DCC: variants seen among roughly 807,000 people sequenced by gnomAD.
DCC encodes the protein DCC netrin 1 receptor, also known as netrin receptor DCC.
A neutral mutation model predicts 172.5 loss-of-function variants in DCC; 58 were observed. The ratio of observed to expected loss-of-function variants is 0.34; its 90% CI spans 0.27 to 0.42. DCC has a LOEUF of 0.42. DCC is among the 10% of genes least tolerant of loss of function. The probability of loss-of-function intolerance (pLI) is 1.00; values close to 1 mark genes in which losing one functional copy is unlikely to be tolerated. For synonymous variants in DCC, 709 were observed against 644.5 expected, an observed-to-expected ratio of 1.10 and a Z score of -1.52; for missense variants, 1,740 against 1,791.0, an observed-to-expected ratio of 0.97 and a Z score of 0.51.
intron 1 of DCC, among the ~76,000 whole-genome samples, chr18:52,669,232 G>T (rs2035509033): frequency 6.6e-6 from 1 of 152,166 alleles, no homozygotes; most frequent in South Asian, 2.1e-4. Context: ...AGTGGTGCCA[G>T]CAGATCCATC....
At chr18:53,037,815 G>T (rs2042116767) in intron 5 of DCC, among the ~76,000 whole-genome samples, 1 of 151,840 alleles carries the variant, frequency 6.6e-6, no homozygotes, top group South Asian at 2.1e-4. Context: ...TTCTGTAAAA[G>T]CACAACTGAT....
intron 1 of DCC, among the ~76,000 whole-genome samples, chr18:52,365,356 T>G (rs960883706): frequency 3.9e-5 from 6 of 152,210 alleles, no homozygotes; most frequent in African/African-American, 1.4e-4. Flanking sequence ...ACAAGATCCT[T>G]GAAAACTGTT....
At chr18:52,823,498 G>T (rs76452246) in intron 2 of DCC, among the ~76,000 whole-genome samples, 1 of 151,966 alleles carries the variant, frequency 6.6e-6, no homozygotes, top group South Asian at 2.1e-4. Flanking sequence ...GTCTTGGCAC[G>T]GTGAAGATTT....
At chr18:53,142,219 G>A (rs771435523) in intron 7 of DCC, among the ~76,000 whole-genome samples, 11 of 152,318 alleles carry the variant, frequency 7.2e-5, no homozygotes, top group East Asian at 1.9e-4. Flanking sequence ...ATACAAAAGC[G>A]TCAGCATGAA....
intron 1 of DCC, among the ~76,000 whole-genome samples, chr18:52,469,029 TGA>T (rs1491319214): frequency 1.8e-5 from 2 of 110,010 alleles, no homozygotes; most frequent in Admixed American, 1.1e-4. Context: ...AAAACAATTT[TGA>T]TTTATTTATT....
At chr18:52,507,990 A>G (rs2031295311) in intron 1 of DCC, among the ~76,000 whole-genome samples, 1 of 152,112 alleles carries the variant, frequency 6.6e-6, no homozygotes, top group Non-Finnish European at 1.5e-5. Flanking sequence ...AGTCCAAGCT[A>G]CTTAGGAGGC....
At chr18:53,150,204 G>A (rs1187538356) in intron 7 of DCC, among the ~76,000 whole-genome samples, 1 of 152,146 alleles carries the variant, frequency 6.6e-6, no homozygotes, top group African/African-American at 2.4e-5. Flanking sequence ...CTTCCTCTGA[G>A]CTTGGTTTTT....
intron 27 of DCC, among the ~76,000 whole-genome samples, chr18:53,517,525 G>A (rs917887221): frequency 6.6e-6 from 1 of 151,712 alleles, no homozygotes; most frequent in African/African-American, 2.4e-5. Context: ...GCCCAAGCAG[G>A]TTTAAAAACT....
intron 5 of DCC, among the ~76,000 whole-genome samples, chr18:52,931,181 T>C (rs2040302144): frequency 6.6e-6 from 1 of 152,070 alleles, no homozygotes; most frequent in Non-Finnish European, 1.5e-5. Context: ...TTGTATAATG[T>C]TTGAAATAAT....
intron 16 of DCC, among the ~76,000 whole-genome samples, chr18:53,388,763 A>G (rs1355255547): frequency 6.6e-6 from 1 of 152,210 alleles, no homozygotes; most frequent in Non-Finnish European, 1.5e-5. Flanking sequence ...TACAATCCAC[A>G]TGTAAAATTG....
chr18:53,066,245 C>T (rs1246870385), intron 7 of DCC, 79 bp downstream of exon 7: 1 of 1,427,202 alleles, frequency 7.0e-7, no homozygotes, highest in South Asian at 1.2e-5. Context: ...TATTGTTTTT[C>T]CTACCCCTCA....
At chr18:52,453,524 A>G (rs1325533703) in intron 1 of DCC, among the ~76,000 whole-genome samples, 2 of 152,230 alleles carry the variant, frequency 1.3e-5, no homozygotes, top group Non-Finnish European at 2.9e-5. Context: ...AAATGATTAT[A>G]GCCTGGCTTT....
chr18:52,937,619 G>A (rs952788654), intron 5 of DCC, among the ~76,000 whole-genome samples: 3 of 151,934 alleles, frequency 2.0e-5, no homozygotes, highest in African/African-American at 7.3e-5. Flanking sequence ...AAGTATCTGG[G>A]GCTACAGGTG....
chr18:52,883,348 T>G lies in DCC; in HGVS notation c.413-22696T>G, dbSNP rs200202450. ...ATTTTTTATTTATTTATTTATTTAT[T>G]TATGTGTGTGTGTGTGTGTGTGTGT... On this transcript the variant is annotated intron_variant, in intron 2 of 28. Coordinates refer to ENST00000442544, the MANE Select transcript of DCC (RefSeq NM_005215.4). 6.2e-4 allele frequency among the ~76,000 whole-genome samples: 66 copies of G among 106,298 alleles called. 1 individual carries two copies. The South Asian group carries it at 7.0e-3, about 11-fold the overall frequency. 69.7% of individuals were successfully genotyped at this position (106,298 alleles called of 152,430 possible). A position where few individuals can be genotyped will look rare whatever the true frequency, so the allele number is the denominator to read the frequency against.
chr18:53,078,656 TGTA>T (rs2042756165), intron 7 of DCC, among the ~76,000 whole-genome samples: 1 of 152,196 alleles, frequency 6.6e-6, no homozygotes, highest in African/African-American at 2.4e-5. Context: ...TAGCTTATAA[TGTA>T]GTTCCATCAA....
chr18:53,106,789 G>C lies in DCC; in HGVS notation c.1261+40623G>C, dbSNP rs991013837. Among the ~76,000 whole-genome samples, 3 of 151,972 alleles carry C rather than the reference G, an allele frequency of 2.0e-5. 1 individual carries two copies. The South Asian group carries it at 6.2e-4, about 31-fold the overall frequency. On this transcript the variant is annotated intron_variant, in intron 7 of 28. Coordinates refer to ENST00000442544, the MANE Select transcript of DCC (RefSeq NM_005215.4). The stretch of plus-strand genomic sequence containing the variant: ...TGTTTCCAAAAGCATGAGAAAGAAT[G>C]TGCCCACCTTAGGCACAATACTTGT...
At chr18:53,117,077 A>C (rs893192388) in intron 7 of DCC, among the ~76,000 whole-genome samples, 6 of 151,734 alleles carry the variant, frequency 4.0e-5, no homozygotes, top group Non-Finnish European at 7.4e-5. Flanking sequence ...TTCAAATGTC[A>C]AAAGAGAATA....
intron 13 of DCC, among the ~76,000 whole-genome samples, chr18:53,305,922 A>G (rs909847041): frequency 1.3e-5 from 2 of 152,226 alleles, no homozygotes; most frequent in Admixed American, 6.5e-5. Flanking sequence ...TCTCTGGATC[A>G]TCGTCTTAAT....
At chr18:52,812,506 A>C (rs1282619347) in intron 2 of DCC, among the ~76,000 whole-genome samples, 1 of 152,210 alleles carries the variant, frequency 6.6e-6, no homozygotes, top group East Asian at 1.9e-4. Context: ...TGTGCTCATC[A>C]AAGGTCTTAA....
Sources: gnomAD v4.1 joint callset for allele counts (sites outside exome capture counted in the v4.1 genomes callset) on GRCh38, gnomAD v4.1.1 for gene constraint, MANE v1.5 for transcripts, NCBI Gene and HGNC (gene_info 2026-07-23, HGNC 2026-07-21) for gene names.